The following SMG7 variants were observed in gnomAD, a reference collection of about 807,000 sequenced individuals.
SMG7 encodes SMG7 nonsense mediated mRNA decay factor.
SMG7 carries 34 observed loss-of-function variants against 148.2 expected under a neutral mutation model. The ratio of observed to expected loss-of-function variants is 0.23; its 90% CI spans 0.17 to 0.31. SMG7 has a LOEUF of 0.31. SMG7 is among the 10% of genes least tolerant of loss of function. The probability of loss-of-function intolerance (pLI) is 1.00; values close to 1 mark genes in which losing one functional copy is unlikely to be tolerated. For missense variants in SMG7, 1,114 were observed against 1,408.4 expected, an observed-to-expected ratio of 0.79 and a Z score of 3.35; for synonymous variants, 492 against 515.1, an observed-to-expected ratio of 0.96 and a Z score of 0.61.
chr1:183,537,808 T>C (rs772785270), intron 11 of SMG7, among the ~76,000 whole-genome samples: 1 of 152,240 alleles, frequency 6.6e-6, no homozygotes, highest in Non-Finnish European at 1.5e-5. Flanking sequence ...TATAATCTAT[T>C]TACGCACTTT....
At chr1:183,493,376 A>T (rs1003773350) in intron 1 of SMG7, among the ~76,000 whole-genome samples, 1 of 152,162 alleles carries the variant, frequency 6.6e-6, no homozygotes, top group East Asian at 1.9e-4. Context: ...GTTTATATAT[A>T]TATTTTTAAA....
intron 18 of SMG7, among the ~76,000 whole-genome samples, chr1:183,548,339 CT>C (rs1670307770): frequency 6.6e-6 from 1 of 152,160 alleles, no homozygotes; most frequent in Non-Finnish European, 1.5e-5. Context: ...CTATGTTTGC[CT>C]TTCTTGTGGC....
In SMG7 at chr1:183,547,085, G is replaced by A; in HGVS notation, c.2743-18G>A. The A allele has an allele frequency of 6.5e-7, 1 of 1,545,806 alleles. No homozygotes were observed. Among genetic ancestry groups the A allele is most frequent in the Non-Finnish European group, 8.7e-7 (1 of 1,145,078 alleles). ...GTTATCCCTTATTGCTTCTCACTGT[G>A]ATGCTTTCTGTCACTAGGACCCCAA... On this transcript the variant is annotated intron_variant, in intron 17 of 22. Transcript: ENST00000688051.
At chr1:183,479,141 T>G (rs1653428207) in intron 1 of SMG7, among the ~76,000 whole-genome samples, 1 of 152,154 alleles carries the variant, frequency 6.6e-6, no homozygotes, top group African/African-American at 2.4e-5. Flanking sequence ...CAGTTTTTAG[T>G]CAGTGGAAAG....
Position 183,552,156 on chromosome 1 carries a change from G to T in SMG7, c.*225G>T. Reference sequence around the variant, plus strand: ...TCCGTCCCCCCGGGGCCCTCCGGAGGGAGAGAGAGAGGAACTGCTGTTTAT... The same window carrying T: ...TCCGTCCCCCCGGGGCCCTCCGGAGTGAGAGAGAGAGGAACTGCTGTTTAT... On this transcript the variant is annotated 3_prime_UTR_variant, in exon 23 of 23. Coordinates refer to ENST00000688051, the MANE Select transcript of SMG7 (RefSeq NM_001375584.1). 8.4e-7 allele frequency: 1 copy of T among 1,196,482 alleles called. No individual in the cohort carries two copies. The highest frequency in any genetic ancestry group is 3.8e-5 in the East Asian group (1 of 26,450). The allele number at this position is 1,196,482 out of a possible 1,614,324, so 74.1% of individuals were successfully genotyped here.
At chr1:183,507,195 A>G (rs1427191622) in intron 1 of SMG7, among the ~76,000 whole-genome samples, 1 of 152,174 alleles carries the variant, frequency 6.6e-6, no homozygotes, top group Non-Finnish European at 1.5e-5. Flanking sequence ...ATATATTCTT[A>G]AAAGAGATTA....
chr1:183,546,590 A>C (rs892383180), intron 17 of SMG7, among the ~76,000 whole-genome samples: 13 of 152,310 alleles, frequency 8.5e-5, no homozygotes, highest in Admixed American at 7.8e-4. Context: ...GAAATCTCTA[A>C]AACAGCATGT....
Position 183,544,913 on chromosome 1 carries a change from G to A in SMG7, c.1988-17G>A, listed in dbSNP as rs1553252512. On this transcript the variant is annotated splice_polypyrimidine_tract_variant and intron_variant, in intron 15 of 22. Transcript: ENST00000688051. ...GCTGTTTCCTTAAAACTAAAGCTGT[G>A]TTCTTCTGTTTTGAAGGGTTTCCGC... is the stretch of plus-strand genomic sequence containing the variant. The A allele has an allele frequency of 6.2e-7, 1 of 1,602,474 alleles. No individual in the cohort carries two copies. The highest frequency in any genetic ancestry group is 1.1e-5 in the South Asian group (1 of 90,518).
intron 1 of SMG7, among the ~76,000 whole-genome samples, chr1:183,489,676 C>T (rs532552878): frequency 2.0e-5 from 3 of 152,232 alleles, no homozygotes; most frequent in Non-Finnish European, 4.4e-5. Flanking sequence ...AGACTTGAAT[C>T]TACAAGCTGG....
intron 4 of SMG7, among the ~76,000 whole-genome samples, chr1:183,522,537 A>G (rs549057469): frequency 6.6e-5 from 10 of 152,176 alleles, no homozygotes; most frequent in Admixed American, 2.6e-4. Context: ...TTTTTTTTTC[A>G]TATTTTAACA....
intron 1 of SMG7, among the ~76,000 whole-genome samples, chr1:183,503,628 G>A (rs993065113): frequency 1.1e-4 from 17 of 152,124 alleles, no homozygotes; most frequent in African/African-American, 3.6e-4. Context: ...GGGATCTCAT[G>A]AAGCAGTGAG....
At chr1:183,476,226 G>A (rs1336203532) in intron 1 of SMG7, among the ~76,000 whole-genome samples, 2 of 152,156 alleles carry the variant, frequency 1.3e-5, no homozygotes, top group Admixed American at 6.5e-5. Flanking sequence ...AGGATGCCGA[G>A]TATTGCTGAA....
At chr1:183,547,853 CATAAA>C (rs770614693) in intron 18 of SMG7, among the ~76,000 whole-genome samples, 11 of 152,166 alleles carry the variant, frequency 7.2e-5, no homozygotes, top group East Asian at 1.9e-4. Flanking sequence ...ACTAGAATCA[CATAAA>C]ATAAAATCTG....
Position 183,482,973 on chromosome 1 carries a change from A to T in SMG7, c.29+10324A>T, listed in dbSNP as rs146648311. 2.6e-5 allele frequency among the ~76,000 whole-genome samples: 4 copies of T among 152,318 alleles called. No individual in the cohort carries two copies. In the East Asian group the frequency reaches 7.7e-4, roughly 29 times the overall value. Reference sequence around the variant, plus strand: ...GGGGAAATATCAGAAATCTTTAGTTACTAAGGTTAAGTGAAGTGTCTTTGG... The same window carrying T: ...GGGGAAATATCAGAAATCTTTAGTTTCTAAGGTTAAGTGAAGTGTCTTTGG... On this transcript the variant is annotated intron_variant, in intron 1 of 22. Transcript: ENST00000688051.
chr1:183,477,490 G>GCATATGTGTATATA (rs1372233192), intron 1 of SMG7, among the ~76,000 whole-genome samples: 4 of 151,868 alleles, frequency 2.6e-5, no homozygotes, highest in Non-Finnish European at 5.9e-5. Context: ...ATACACGTGT[G>GCATATGTGTATATA]TGCATATGTG....
rs552350170 is a variant in SMG7 at position 183,550,054 on chromosome 1, G to A, written c.3133+131G>A. 9.2e-5 allele frequency: 61 copies of A among 661,482 alleles called. No individual in the cohort carries two copies. In the African/African-American group the frequency reaches 1.1e-3, roughly 12 times the overall value. The allele number at this position is 661,482 out of a possible 1,614,324, so 41.0% of individuals were successfully genotyped here. On this transcript the variant is annotated intron_variant, in intron 20 of 22. Transcript: ENST00000688051. ...TTTTATTTTTTGTTTGTTTGTTTTT[G>A]TAACTTCTGAAAGGAAATAGAAAAA...
chr1:183,492,021 T>C (rs1269510514), intron 1 of SMG7, among the ~76,000 whole-genome samples: 5 of 152,232 alleles, frequency 3.3e-5, no homozygotes, highest in Admixed American at 3.3e-4. Flanking sequence ...CCTCATAGTC[T>C]GATCACCTCC....
intron 2 of SMG7, among the ~76,000 whole-genome samples, chr1:183,514,702 A>G (rs1398765233): frequency 6.6e-6 from 1 of 152,240 alleles, no homozygotes; most frequent in East Asian, 1.9e-4. Flanking sequence ...GATGGTCTTG[A>G]TAGATGAGAA....
At chr1:183,513,757 C>T (rs370553683) in intron 2 of SMG7, among the ~76,000 whole-genome samples, 3 of 151,982 alleles carry the variant, frequency 2.0e-5, no homozygotes, top group Non-Finnish European at 2.9e-5. Flanking sequence ...AGGCATGGTG[C>T]GGTGGCTCAC....
Sources: allele counts gnomAD v4.1 joint callset (sites outside exome capture counted in the v4.1 genomes callset), GRCh38; gene constraint gnomAD v4.1.1; transcripts MANE v1.5; gene names NCBI Gene and HGNC (gene_info 2026-07-23, HGNC 2026-07-21).